The following KALRN variants were observed in gnomAD, a reference collection of about 807,000 sequenced individuals.
KALRN encodes kalirin.
Under a neutral mutation model 353.7 loss-of-function variants are expected in KALRN, and 70 were observed. That is an observed-to-expected ratio of 0.20 (90% CI 0.16 to 0.24). The LOEUF (loss-of-function observed/expected upper bound fraction) is 0.24. KALRN is among the 10% of genes least tolerant of loss of function. The pLI, the probability that KALRN is intolerant of heterozygous loss-of-function variation, is 1.00. For missense variants in KALRN, 2,791 were observed against 3,756.7 expected (o/e 0.74, Z 6.72); for synonymous variants, 1,391 against 1,434.8 (o/e 0.97, Z 0.69).
intron 38 of KALRN, among the ~76,000 whole-genome samples, chr3:124,652,641 A>G (rs967271736): frequency 1.1e-4 from 16 of 152,094 alleles, no homozygotes; most frequent in African/African-American, 3.6e-4. Flanking sequence ...CAGTGGCACT[A>G]TCTCGGCTCA....
At chr3:124,339,140 A>G (rs943607445) in intron 9 of KALRN, among the ~76,000 whole-genome samples, 2 of 152,198 alleles carry the variant, frequency 1.3e-5, no homozygotes, top group Admixed American at 6.5e-5. Context: ...TAAAAAGTAT[A>G]GTGCCTCCAG....
chr3:124,192,966 T>A (rs568955938), intron 1 of KALRN, among the ~76,000 whole-genome samples: 1 of 152,362 alleles, frequency 6.6e-6, no homozygotes, highest in East Asian at 1.9e-4. Context: ...TTGCCTTGAG[T>A]TAATTACATA....
chr3:124,609,827 G>A (rs113844016), intron 34 of KALRN, among the ~76,000 whole-genome samples: 9 of 152,284 alleles, frequency 5.9e-5, no homozygotes, highest in African/African-American at 2.2e-4. Context: ...TTATCTCAGA[G>A]GTGGGTGGTA....
At chr3:124,693,956 G>A (rs2061940651) in intron 52 of KALRN, 125 bp downstream of exon 52, 1 of 689,160 alleles carries the variant, frequency 1.5e-6, no homozygotes. Flanking sequence ...CAAGGAAAGA[G>A]GTTTATGATA....
intron 1 of KALRN, among the ~76,000 whole-genome samples, chr3:124,172,921 T>C (rs187157723): frequency 6.6e-6 from 1 of 152,272 alleles, no homozygotes; most frequent in Admixed American, 6.5e-5. Flanking sequence ...TTAATCTCAG[T>C]GAAAGAGTTC....
intron 10 of KALRN, among the ~76,000 whole-genome samples, chr3:124,351,000 C>G (rs1206454732): frequency 6.6e-6 from 1 of 152,120 alleles, no homozygotes; most frequent in Non-Finnish European, 1.5e-5. Flanking sequence ...GATTGTTAGT[C>G]CACATAGGAA....
chr3:124,043,692 T>C (rs985051322), intron 1 of KALRN, among the ~76,000 whole-genome samples: 4 of 152,110 alleles, frequency 2.6e-5, no homozygotes, highest in African/African-American at 9.7e-5. Flanking sequence ...ATGGGTGGGC[T>C]GAGCTGTTGT....
At chr3:124,658,247 C>T (rs113959528) in intron 41 of KALRN, among the ~76,000 whole-genome samples, 184 bp from the exon 42 acceptor site, 1 of 152,100 alleles carries the variant, frequency 6.6e-6, no homozygotes, top group Non-Finnish European at 1.5e-5. Context: ...GTTTTTTTGA[C>T]CACCTTGGCG....
intron 5 of KALRN, among the ~76,000 whole-genome samples, chr3:124,296,634 T>C (rs2076871115): frequency 6.6e-6 from 1 of 152,228 alleles, no homozygotes; most frequent in Non-Finnish European, 1.5e-5. Flanking sequence ...CAGCCGACAA[T>C]GTGTGGTCCA....
At chr3:124,490,120 A>G (rs1279294797) in intron 29 of KALRN, among the ~76,000 whole-genome samples, 1 of 152,176 alleles carries the variant, frequency 6.6e-6, no homozygotes, top group Non-Finnish European at 1.5e-5. Context: ...TTACCTGGGC[A>G]TGGTGGCATG....
chr3:124,396,421 C>G (rs1403467010), intron 12 of KALRN, among the ~76,000 whole-genome samples: 1 of 152,182 alleles, frequency 6.6e-6, no homozygotes, highest in African/African-American at 2.4e-5. Flanking sequence ...GCCTCTTTTC[C>G]TTCTTCCCCT....
chr3:124,254,422 C>CAAAAA (rs35522040), intron 3 of KALRN, among the ~76,000 whole-genome samples: 2 of 121,264 alleles, frequency 1.6e-5, no homozygotes, highest in African/African-American at 3.5e-5. Flanking sequence ...ATCTATGAAG[C>CAAAAA]AAAAAAAAAA....
Position 124,661,830 on chromosome 3 carries a change from AAC to A in KALRN, c.6268-19_6268-18del. The A allele has an allele frequency of 6.2e-7, 1 of 1,604,446 alleles. No individual in the cohort carries two copies. Among genetic ancestry groups the A allele is most frequent in the Admixed American group, 1.7e-5 (1 of 60,018 alleles). On this transcript the variant is annotated intron_variant, in intron 44 of 59. Coordinates refer to ENST00000682506, the MANE Select transcript of KALRN (RefSeq NM_001388419.1). ...CTGAGTGCTGTTCCCCCTCCTGAGT[AAC>A]AGTTGTTCTTTCCCACAGAAAGCAG...
Position 124,477,046 on chromosome 3 carries a change from C to T in KALRN, c.4102-199C>T, listed in dbSNP as rs553599847. Reference sequence around the variant, plus strand: ...AGCTCAGTTTCAGAAGCTTTCTCCACGTGCTGACAGGAGAAAGACATCCCA... The same window carrying T: ...AGCTCAGTTTCAGAAGCTTTCTCCATGTGCTGACAGGAGAAAGACATCCCA... On this transcript the variant is annotated intron_variant, in intron 26 of 59. Transcript: ENST00000682506. Among the ~76,000 whole-genome samples the T allele has an allele frequency of 7.2e-5, 11 of 152,156 alleles. No homozygotes were observed. The South Asian group carries it at 1.7e-3, about 23-fold the overall frequency.
intron 37 of KALRN, among the ~76,000 whole-genome samples, chr3:124,643,877 A>G (rs1486197122): frequency 1.3e-5 from 2 of 152,234 alleles, no homozygotes; most frequent in Non-Finnish European, 2.9e-5. Flanking sequence ...AAATTAACAT[A>G]TCTATCATGT....
At chr3:124,209,492 C>CA (rs5852396) in intron 1 of KALRN, among the ~76,000 whole-genome samples, 50,627 of 70,030 alleles carry the variant, frequency 0.72, 18,815 homozygotes, top group Non-Finnish European at 0.79. Flanking sequence ...CACTCTGTCT[C>CA]AAAAAAAAAA....
chr3:124,082,630 G>A (rs896699333), intron 1 of KALRN, among the ~76,000 whole-genome samples: 1 of 152,164 alleles, frequency 6.6e-6, no homozygotes, highest in Non-Finnish European at 1.5e-5. Flanking sequence ...TTAGGTGCTC[G>A]GTGCTTATGG....
chr3:124,442,141 A>G (rs1292243188), intron 19 of KALRN, 82 bp downstream of exon 19: 2 of 715,722 alleles, frequency 2.8e-6, no homozygotes, highest in Non-Finnish European at 4.3e-6. Context: ...GTTTTCACAC[A>G]ATCTCAAATT....
intron 33 of KALRN, among the ~76,000 whole-genome samples, chr3:124,545,046 G>A (rs1416511322): frequency 2.0e-5 from 3 of 152,172 alleles, no homozygotes; most frequent in Non-Finnish European, 4.4e-5. Flanking sequence ...TGTACACAAA[G>A]GGAGCCCACT....
Sources: allele counts gnomAD v4.1 joint callset (sites outside exome capture counted in the v4.1 genomes callset), GRCh38; gene constraint gnomAD v4.1.1; transcripts MANE v1.5; gene names NCBI Gene and HGNC (gene_info 2026-07-23, HGNC 2026-07-21).